The following PIWIL2 variants were observed in gnomAD, a reference collection of about 807,000 sequenced individuals.
PIWIL2 encodes the protein piwi-like protein 2.
In PIWIL2, 81 loss-of-function variants were observed where a neutral mutation model predicts 116.5. That is an observed-to-expected ratio of 0.70 (90% CI 0.58 to 0.84). PIWIL2 has a LOEUF of 0.84. Among genes scored for constraint, PIWIL2 ranks in the 40% least tolerant of loss-of-function variants. The pLI, the probability that PIWIL2 is intolerant of heterozygous loss-of-function variation, is 0.00. For missense variants in PIWIL2, 1,272 were observed against 1,212.3 expected (o/e 1.05, Z -0.73); for synonymous variants, 489 against 429.5 (o/e 1.14, Z -1.71).
intron 12 of PIWIL2, 100 bp downstream of exon 12, chr8:22,304,968 A>T: frequency 1.3e-6 from 1 of 789,118 alleles, no homozygotes. Flanking sequence ...TGGAGTAGCA[A>T]TCGTAGTGTA....
At chr8:22,321,820 C>A in intron 20 of PIWIL2, 1 of 976,090 alleles carries the variant, frequency 1.0e-6, no homozygotes, top group Non-Finnish European at 1.2e-6. Context: ...TCTGGACTCC[C>A]CATTTTTATT....
chr8:22,352,711 C>T (rs1203819161), intron 20 of PIWIL2: 2 of 445,050 alleles, frequency 4.5e-6, no homozygotes, highest in African/African-American at 3.8e-5. Flanking sequence ...GCATGTGACT[C>T]ATAACTTGCA....
At position 22,334,865 on chromosome 8, in the gene PIWIL2, G is replaced by C. The variant is rs552586602; in HGVS notation, c.2403+16590G>C. ...AGGTCAGGAGTTCGAGACCAGCCTG[G>C]CCAACATAGTGAAACCTCATCTCTG... On this transcript the variant is annotated intron_variant, in intron 20 of 22. Coordinates refer to ENST00000356766, the MANE Select transcript of PIWIL2 (RefSeq NM_018068.5). 1.7e-3 allele frequency among the ~76,000 whole-genome samples: 254 copies of C among 152,120 alleles called. 4 individuals carry two copies. Among genetic ancestry groups the C allele is most frequent in the African/African-American group, 5.9e-3 (245 of 41,468 alleles).
chr8:22,293,307 T>C (rs1030789578), intron 10 of PIWIL2, among the ~76,000 whole-genome samples: 13 of 152,142 alleles, frequency 8.5e-5, no homozygotes, highest in African/African-American at 3.1e-4. Flanking sequence ...AGACCCTGTC[T>C]TCAAAAAAAC....
rs1304041351 is a variant in PIWIL2, at chr8:22,304,897, C to T, written c.1455+29C>T. On this transcript the variant is annotated intron_variant, in intron 12 of 22. Coordinates refer to ENST00000356766, the MANE Select transcript of PIWIL2 (RefSeq NM_018068.5). Reference sequence around the variant, plus strand: ...AGTAGGGCTGTCAGGCTTACAATTCCAGCTTAAGTTCTTCATCCTGTCAGC... The same window carrying T: ...AGTAGGGCTGTCAGGCTTACAATTCTAGCTTAAGTTCTTCATCCTGTCAGC... 3 of 1,435,246 alleles carry T rather than the reference C, an allele frequency of 2.1e-6. No individual in the cohort carries two copies. In the African/African-American group the frequency reaches 4.2e-5, roughly 20 times the overall value. 88.9% of individuals were successfully genotyped at this position (1,435,246 alleles called of 1,614,324 possible).
At chr8:22,351,152 A>G (rs1031852776) in intron 20 of PIWIL2, among the ~76,000 whole-genome samples, 2 of 151,212 alleles carry the variant, frequency 1.3e-5, no homozygotes, top group African/African-American at 4.9e-5. Context: ...CTCTGTTTCA[A>G]AAAAAAATAA....
At chr8:22,306,100 G>T (rs992809183) in intron 13 of PIWIL2, 84 bp downstream of exon 13, 5 of 907,278 alleles carry the variant, frequency 5.5e-6, no homozygotes, top group Non-Finnish European at 9.1e-6. Flanking sequence ...ACCGAGCCAC[G>T]TTCCAACTCT....
At chr8:22,325,481 C>CTTTTTTTTTTTTTTTTT (rs749493740) in intron 20 of PIWIL2, among the ~76,000 whole-genome samples, 1 of 95,040 alleles carries the variant, frequency 1.1e-5, no homozygotes, top group Non-Finnish European at 2.0e-5. Context: ...TTGATTTAGT[C>CTTTTTTTTTTTTTTTTT]TTTTTTTTTT....
At chr8:22,310,683 C>T (rs1190053855) in intron 15 of PIWIL2, among the ~76,000 whole-genome samples, 1 of 152,058 alleles carries the variant, frequency 6.6e-6, no homozygotes, top group East Asian at 1.9e-4. Context: ...ACTTTACCAG[C>T]ACTCCAGAAG....
chr8:22,334,764 A>G (rs1294885791), intron 20 of PIWIL2, among the ~76,000 whole-genome samples: 3 of 151,948 alleles, frequency 2.0e-5, no homozygotes, highest in Admixed American at 6.6e-5. Context: ...GTAAATTAAG[A>G]TGTTAATTTT....
Position 22,357,374 on chromosome 8 carries a change from A to C in PIWIL2, c.*1869A>C, listed in dbSNP as rs1323253053. 6.6e-6 allele frequency: 1 copy of C among 152,112 alleles called. No homozygotes were observed. Among genetic ancestry groups the C allele is most frequent in the Non-Finnish European group, 1.5e-5 (1 of 68,018 alleles). The allele number at this position is 152,112 out of a possible 1,614,324, so 9.4% of individuals were successfully genotyped here. A position where few individuals can be genotyped will look rare whatever the true frequency, so the allele number is the denominator to read the frequency against. ...AGATCAGTTTTCTGATTTTCCTTGG[A>C]AGCGTTTTGAATTTTTCTGTTGAAG... is the stretch of plus-strand genomic sequence containing the variant. On this transcript the variant is annotated 3_prime_UTR_variant, in exon 23 of 23. Coordinates refer to ENST00000356766, the MANE Select transcript of PIWIL2 (RefSeq NM_018068.5).
At chr8:22,352,861 C>CCATG (rs1832403793) in intron 20 of PIWIL2, 98 bp from the exon 21 acceptor site, 3 of 1,236,664 alleles carry the variant, frequency 2.4e-6, no homozygotes, top group South Asian at 3.0e-5. Flanking sequence ...AAAGGATCTG[C>CCATG]CATGATTCCA....
chr8:22,309,635 G>A (rs1179917676), intron 14 of PIWIL2, among the ~76,000 whole-genome samples: 1 of 152,174 alleles, frequency 6.6e-6, no homozygotes, highest in South Asian at 2.1e-4. Flanking sequence ...CACGGTGCCC[G>A]GCCCCTTTAA....
intron 20 of PIWIL2, among the ~76,000 whole-genome samples, chr8:22,340,574 C>T (rs894952289): frequency 2.6e-5 from 4 of 152,064 alleles, no homozygotes; most frequent in South Asian, 4.2e-4. Flanking sequence ...ATAGGGAGAA[C>T]ACCATTGAAG....
intron 20 of PIWIL2, among the ~76,000 whole-genome samples, chr8:22,336,181 C>A (rs771435020): frequency 2.0e-5 from 3 of 152,170 alleles, no homozygotes; most frequent in African/African-American, 4.8e-5. Context: ...CTCCACCCAG[C>A]AACCACATAC....
chr8:22,284,390 T>C, intron 6 of PIWIL2, 118 bp downstream of exon 6: 1 of 551,852 alleles, frequency 1.8e-6, no homozygotes, highest in East Asian at 3.1e-5. Flanking sequence ...AATGCAATAA[T>C]GTGTTTACTC....
intron 20 of PIWIL2, among the ~76,000 whole-genome samples, chr8:22,350,224 T>C (rs1223787246): frequency 6.6e-6 from 1 of 152,084 alleles, no homozygotes; most frequent in Non-Finnish European, 1.5e-5. Context: ...CTATATCTTG[T>C]TGGGGGCAGG....
At chr8:22,287,487 T>G (rs1830655170) in intron 6 of PIWIL2, 41 bp from the exon 7 acceptor site, 6 of 1,282,074 alleles carry the variant, frequency 4.7e-6, no homozygotes, top group Non-Finnish European at 6.8e-6. Flanking sequence ...AGATTGCAGT[T>G]TGAGTCAAGT....
intron 13 of PIWIL2, among the ~76,000 whole-genome samples, chr8:22,306,664 A>G (rs1425353444): frequency 1.3e-5 from 2 of 152,160 alleles, no homozygotes; most frequent in Non-Finnish European, 2.9e-5. Context: ...TCTGTCTTAG[A>G]CCCATATGCC....
Sources: allele counts gnomAD v4.1 joint callset (sites outside exome capture counted in the v4.1 genomes callset), GRCh38; gene constraint gnomAD v4.1.1; transcripts MANE v1.5; gene names NCBI Gene and HGNC (gene_info 2026-07-23, HGNC 2026-07-21).